The following FBN1 variants were observed in gnomAD, a reference collection of about 807,000 sequenced individuals.
FBN1 encodes the protein fibrillin-1.
In FBN1, 29 loss-of-function variants were observed where a neutral mutation model predicts 365.1. The ratio of observed to expected loss-of-function variants is 0.08; its 90% confidence interval spans 0.06 to 0.11. The LOEUF (loss-of-function observed/expected upper bound fraction) is 0.11, where lower values mean the gene tolerates loss of function less well. Ranked by LOEUF, FBN1 falls within the 10% of genes least tolerant of loss-of-function variation. The pLI is 1.00. For synonymous variants in FBN1, 1,210 were observed against 1,270.5 expected (o/e 0.95, Z 1.01); for missense variants, 2,476 against 3,703.2 (o/e 0.67, Z 8.60).
intron 27 of FBN1, 141 bp from the exon 28 acceptor site, chr15:48,487,578 ACCAGATCT>A (rs1371127154): frequency 1.3e-5 from 16 of 1,202,980 alleles, no homozygotes; most frequent in Non-Finnish European, 1.8e-5. Flanking sequence ...CTATTCATAC[ACCAGATCT>A]CCCTGCAGGA....
intron 9 of FBN1, 89 bp downstream of exon 9, chr15:48,526,041 T>G: frequency 6.6e-7 from 1 of 1,524,734 alleles, no homozygotes. Context: ...TGATAAATTA[T>G]ATGTGCTCCT....
intron 6 of FBN1, among the ~76,000 whole-genome samples, chr15:48,567,692 T>C (rs1053629115): frequency 1.3e-5 from 2 of 152,084 alleles, no homozygotes; most frequent in Non-Finnish European, 2.9e-5. Flanking sequence ...ACCATATTAA[T>C]AGAATAACAG....
At chr15:48,528,211 A>C (rs1447210408) in intron 8 of FBN1, among the ~76,000 whole-genome samples, 1 of 152,246 alleles carries the variant, frequency 6.6e-6, no homozygotes, top group Non-Finnish European at 1.5e-5. Flanking sequence ...CTTAGCGTAC[A>C]TCAATATCTA....
chr15:48,491,724 C>T (rs1029250582), intron 24 of FBN1, among the ~76,000 whole-genome samples: 1 of 152,168 alleles, frequency 6.6e-6, no homozygotes, highest in Non-Finnish European at 1.5e-5. Flanking sequence ...ATGCAAAGTA[C>T]AGGTAAGCAT....
chr15:48,451,469 A>G (rs2043200800), intron 45 of FBN1, among the ~76,000 whole-genome samples: 1 of 152,168 alleles, frequency 6.6e-6, no homozygotes, highest in Admixed American at 6.5e-5. Flanking sequence ...TTGATTCTCA[A>G]TGCGATTTTT....
chr15:48,566,643 G>A (rs1196484979), intron 6 of FBN1, among the ~76,000 whole-genome samples: 1 of 152,156 alleles, frequency 6.6e-6, no homozygotes, highest in African/African-American at 2.4e-5. Context: ...AAATGCAAAT[G>A]AAACCATAAT....
intron 13 of FBN1, among the ~76,000 whole-genome samples, chr15:48,512,022 G>C (rs973862662): frequency 6.6e-6 from 1 of 152,172 alleles, no homozygotes; most frequent in South Asian, 2.1e-4. Flanking sequence ...ACTCAGTTAC[G>C]TGTTCAACCT....
intron 6 of FBN1, among the ~76,000 whole-genome samples, chr15:48,584,321 C>T (rs1001941227): frequency 6.6e-6 from 1 of 152,118 alleles, no homozygotes; most frequent in Non-Finnish European, 1.5e-5. Context: ...GATTTATCCT[C>T]AGAGCGTGAG....
chr15:48,623,000 T>C (rs974519536), intron 2 of FBN1, among the ~76,000 whole-genome samples: 5 of 152,230 alleles, frequency 3.3e-5, no homozygotes, highest in South Asian at 2.1e-4. Flanking sequence ...ACTGTAGTTA[T>C]ATATTTAAAA....
chr15:48,481,658 T>C lies in FBN1; in HGVS notation c.3961A>G (p.Thr1321Ala). Residue 1321 changes from threonine (T) to alanine (A), a missense_variant, in exon 32 of 66, where the codon ACA (threonine) becomes GCA (alanine). Physicochemically the swap from Thr to Ala is moderately conservative, Grantham distance 58 (BLOSUM62 0). This residue lies in a region of FBN1 where 1,780 missense variants were observed against 2,840.8 expected (regional missense o/e 0.63). Coordinates refer to ENST00000316623, the MANE Select transcript of FBN1 (RefSeq NM_000138.5). ...TGTTCTACTTGAACAAACACACCTG[T>C]ACAGCCAGTTTTTCCTTTTTTGCCG... ...YSGKKGKTGC[T>A]DINECEIGAH... is the part of the protein sequence containing the mutation. 6.2e-7 allele frequency: 1 copy of C among 1,613,774 alleles called. No homozygotes were observed. The highest frequency in any genetic ancestry group is 8.5e-7 in the Non-Finnish European group (1 of 1,179,706).
chr15:48,497,236 A>C, intron 19 of FBN1, 30 bp downstream of exon 19: 1 of 1,613,950 alleles, frequency 6.2e-7, no homozygotes, highest in Non-Finnish European at 8.5e-7. Flanking sequence ...TATGCAGGCA[A>C]TGTTTCAGAA....
rs778488637 is a variant in FBN1, at chr15:48,437,966, G to A, written c.6164-49C>T. 2.2e-5 allele frequency: 35 copies of A among 1,589,918 alleles called. No homozygotes were observed. The Middle Eastern group carries it at 5.0e-4, about 23-fold the overall frequency. On this transcript the variant is annotated intron_variant, in intron 50 of 65. Coordinates refer to ENST00000316623, the MANE Select transcript of FBN1 (RefSeq NM_000138.5). ...CTTCAGTTGCTTTCCTACTGAGTCC[G>A]TATTGCACCATAGCAAATAAAGAAC...
At chr15:48,457,604 C>A (rs2043251171) in intron 43 of FBN1, among the ~76,000 whole-genome samples, 1 of 152,142 alleles carries the variant, frequency 6.6e-6, no homozygotes, top group African/African-American at 2.4e-5. Context: ...CCATCTCTGT[C>A]TTACCCACTC....
Position 48,452,765 on chromosome 15 carries a change from T to A in FBN1, c.5423-81A>T, listed in dbSNP as rs375285917. ...CAAAGCCTCTCACATGAAAACAAATTTATATTTTATTTTGATCTGTTCTAT... is the reference window on the plus strand; with the variant it reads ...CAAAGCCTCTCACATGAAAACAAATATATATTTTATTTTGATCTGTTCTAT... On this transcript the variant is annotated intron_variant, in intron 44 of 65. Transcript: ENST00000316623. 2.0e-5 allele frequency: 29 copies of A among 1,466,828 alleles called. No homozygotes were observed. In the African/African-American group the frequency reaches 2.2e-4, roughly 11 times the overall value. 90.9% of individuals were successfully genotyped at this position (1,466,828 alleles called of 1,614,324 possible).
intron 43 of FBN1, among the ~76,000 whole-genome samples, chr15:48,459,687 C>G (rs1263745222): frequency 1.3e-5 from 2 of 152,232 alleles, no homozygotes; most frequent in Admixed American, 1.3e-4. Context: ...TGTAATACTT[C>G]TGATTCTTGC....
At chr15:48,628,608 A>G (rs1889930148) in intron 2 of FBN1, among the ~76,000 whole-genome samples, 1 of 152,212 alleles carries the variant, frequency 6.6e-6, no homozygotes, top group Non-Finnish European at 1.5e-5. Context: ...ATAATAGCCT[A>G]TCCTTACTGT....
intron 24 of FBN1, 36 bp downstream of exon 24, chr15:48,492,425 A>C (rs1227427784): frequency 6.3e-7 from 1 of 1,595,996 alleles, no homozygotes; most frequent in Non-Finnish European, 8.6e-7. Flanking sequence ...ATCGTTAATA[A>C]ATTATTATTA....
chr15:48,466,458 A>G (rs2141270732), intron 38 of FBN1, among the ~76,000 whole-genome samples: 1 of 152,314 alleles, frequency 6.6e-6, no homozygotes, highest in East Asian at 1.9e-4. Flanking sequence ...CTTTCATCCA[A>G]GTATTTTACC....
intron 4 of FBN1, among the ~76,000 whole-genome samples, chr15:48,600,864 T>C (rs2044559637): frequency 6.6e-6 from 1 of 152,132 alleles, no homozygotes; most frequent in African/African-American, 2.4e-5. Context: ...TGAGACAAGA[T>C]TATGATGGCA....
Sources: allele counts gnomAD v4.1 joint callset (sites outside exome capture counted in the v4.1 genomes callset), GRCh38; gene constraint gnomAD v4.1.1; regional missense constraint gnomAD v4.1.1; transcripts MANE v1.5; gene names NCBI Gene and HGNC (gene_info 2026-07-23, HGNC 2026-07-21).